The following CUEDC2 variants were observed in gnomAD, a reference collection of about 807,000 sequenced individuals.
The protein encoded by CUEDC2 is CUE domain-containing protein 2.
In CUEDC2, 10 loss-of-function variants were observed where a neutral mutation model predicts 36.0. The observed-to-expected ratio is 0.28, with a 90% CI of 0.17 to 0.47. The LOEUF is 0.47. CUEDC2 is among the 20% of genes least tolerant of loss of function. CUEDC2 has a pLI of 0.99. For missense variants in CUEDC2, 269 were observed against 368.1 expected (o/e 0.73, Z 2.20); for synonymous variants, 133 against 141.8 (o/e 0.94, Z 0.44).
intron 1 of CUEDC2, among the ~76,000 whole-genome samples, chr10:102,430,808 G>T (rs545172424): frequency 6.6e-6 from 1 of 152,148 alleles, no homozygotes; most frequent in African/African-American, 2.4e-5. Flanking sequence ...TGCCAGACTG[G>T]TTTCCTAAGT....
At chr10:102,426,798 G>T (rs565442883) in intron 1 of CUEDC2, among the ~76,000 whole-genome samples, 36 of 151,798 alleles carry the variant, frequency 2.4e-4, no homozygotes, top group South Asian at 1.3e-3. Context: ...CTAGTTTTTT[G>T]TTGTTGTTGT....
chr10:102,427,670 GCAAGAACTT>G (rs1565237512), intron 1 of CUEDC2, among the ~76,000 whole-genome samples: 1 of 151,672 alleles, frequency 6.6e-6, no homozygotes. Flanking sequence ...TCTCTTGCCT[GCAAGAACTT>G]CCTAACCCTT....
At chr10:102,429,121 G>A (rs2061607979) in intron 1 of CUEDC2, among the ~76,000 whole-genome samples, 1 of 152,002 alleles carries the variant, frequency 6.6e-6, no homozygotes, top group Non-Finnish European at 1.5e-5. Context: ...ACTCATTTGG[G>A]CCCTGCCATA....
At position 102,424,738 on chromosome 10, in the gene CUEDC2, G is replaced by A. The variant is rs1270180230; in HGVS notation, c.129C>T (p.Gly43=). 2 of 1,613,988 alleles carry A rather than the reference G, an allele frequency of 1.2e-6. No homozygotes were observed. Among genetic ancestry groups the A allele is most frequent in the East Asian group, 2.2e-5 (1 of 44,872 alleles). Residue 43 remains glycine (G), a synonymous_variant, in exon 3 of 9, where the codon GGC becomes GGT. Transcript: ENST00000369937. This position sits in a 1 kb window ranked among gnomAD's most constrained non-coding sequence, Gnocchi z 4.2. ...SYVLGVLEDL[G]PSGPSEENFD... ...AGTTCTCCTCTGATGGGCCCGAGGGGCCCAGGTCCTCCAGGACCCCAAGCA... is the reference window on the plus strand; with the variant it reads ...AGTTCTCCTCTGATGGGCCCGAGGGACCCAGGTCCTCCAGGACCCCAAGCA...
intron 1 of CUEDC2, among the ~76,000 whole-genome samples, chr10:102,430,069 G>C (rs1351941127): frequency 6.6e-6 from 1 of 150,562 alleles, no homozygotes; most frequent in Non-Finnish European, 1.5e-5. Context: ...CAAAGTGCTG[G>C]GATTACAGGC....
chr10:102,432,151 T>C (rs1032742179), intron 1 of CUEDC2, among the ~76,000 whole-genome samples: 2 of 152,040 alleles, frequency 1.3e-5, no homozygotes, highest in African/African-American at 4.8e-5. Context: ...ACCAAGGGCA[T>C]TGAGGGGAAC....
At chr10:102,432,309 G>A (rs1395306427) in intron 1 of CUEDC2, among the ~76,000 whole-genome samples, 1 of 152,250 alleles carries the variant, frequency 6.6e-6, no homozygotes, top group Non-Finnish European at 1.5e-5. Flanking sequence ...TAGTGGGCCC[G>A]AAGGCACAGG....
chr10:102,431,722 C>T (rs1589909667), intron 1 of CUEDC2, among the ~76,000 whole-genome samples: 1 of 152,218 alleles, frequency 6.6e-6, no homozygotes, highest in Admixed American at 6.5e-5. Context: ...CTCTGCCTCT[C>T]CAAATCTCAT....
chr10:102,423,751 C>G lies in CUEDC2; in HGVS notation c.657-34G>C, dbSNP rs776795755. The G allele has an allele frequency of 6.2e-7, 1 of 1,614,104 alleles. No homozygotes were observed. Among genetic ancestry groups the G allele is most frequent in the Non-Finnish European group, 8.5e-7 (1 of 1,180,008 alleles). On this transcript the variant is annotated intron_variant, in intron 7 of 8. Transcript: ENST00000369937. This position sits in a 1 kb window ranked among gnomAD's most constrained non-coding sequence, Gnocchi z 5.6. ...AACTGGCTGGGTGAAGCTCCTGTCA[C>G]CCTGGGAAGACCCTCTAGGGCCCAG...
rs775571142 is a variant in CUEDC2 at position 102,424,563 on chromosome 10, G to A, written c.219-3C>T. On this transcript the variant is annotated splice_region_variant and splice_polypyrimidine_tract_variant and intron_variant, in intron 3 of 8. Coordinates refer to ENST00000369937, the MANE Select transcript of CUEDC2 (RefSeq NM_024040.3). The surrounding 1 kb of genome is among the most constrained non-coding windows in gnomAD (Gnocchi z 4.2). Reference sequence around the variant, plus strand: ...GCATCATGTCCCCTATTGTGCCCCTGAAAAGATGAGGGCAGTGAGAGGATG... The same window carrying A: ...GCATCATGTCCCCTATTGTGCCCCTAAAAAGATGAGGGCAGTGAGAGGATG... 2.5e-6 allele frequency: 4 copies of A among 1,614,152 alleles called. No individual in the cohort carries two copies. In the South Asian group the frequency reaches 4.4e-5, roughly 18 times the overall value.
rs763594007 is a variant in CUEDC2, at chr10:102,424,243, G to A, written c.411+21C>T. Reference sequence around the variant, plus strand: ...TTTCCAGCCCCCTGGGTCCCTCATCGGTACCCTCCTCTACCAGTACCTCAT... The same window carrying A: ...TTTCCAGCCCCCTGGGTCCCTCATCAGTACCCTCCTCTACCAGTACCTCAT... On this transcript the variant is annotated intron_variant, in intron 5 of 8. Transcript: ENST00000369937. The surrounding 1 kb of genome is among the most constrained non-coding windows in gnomAD (Gnocchi z 4.2). 39 of 1,611,868 alleles carry A rather than the reference G, an allele frequency of 2.4e-5. 1 individual carries two copies. Among genetic ancestry groups the A allele is most frequent in the African/African-American group, 2.4e-4 (18 of 74,920 alleles).
intron 1 of CUEDC2, among the ~76,000 whole-genome samples, chr10:102,428,663 C>A (rs925703517): frequency 1.3e-5 from 2 of 152,018 alleles, no homozygotes; most frequent in East Asian, 3.9e-4. Context: ...GCAAGAGGAT[C>A]GTTTGAGCTC....
chr10:102,424,473 T>G lies in CUEDC2; in HGVS notation c.280+26A>C, dbSNP rs1357450604. Reference sequence around the variant, plus strand: ...TTGGGGGAGCGGGATTATGAATCACTCAGGTGCCCAGAGCCCCAGACTCAC... The same window carrying G: ...TTGGGGGAGCGGGATTATGAATCACGCAGGTGCCCAGAGCCCCAGACTCAC... On this transcript the variant is annotated intron_variant, in intron 4 of 8. Coordinates refer to ENST00000369937, the MANE Select transcript of CUEDC2 (RefSeq NM_024040.3). The surrounding 1 kb of genome is among the most constrained non-coding windows in gnomAD (Gnocchi z 4.2). 1 of 1,613,936 alleles carries G rather than the reference T, an allele frequency of 6.2e-7. No individual in the cohort carries two copies. Among genetic ancestry groups the G allele is most frequent in the African/African-American group, 1.3e-5 (1 of 74,894 alleles).
chr10:102,423,569 G>T lies in CUEDC2; in HGVS notation c.721C>A (p.Pro241Thr). The change falls in exon 9 of 9, where the codon CCC becomes ACC. Residue 241 changes from proline (P) to threonine (T), a missense_variant. Pro to Thr is a conservative substitution (Grantham distance 38, BLOSUM62 -1). Transcript: ENST00000369937. The surrounding 1 kb of genome is among the most constrained non-coding windows in gnomAD (Gnocchi z 5.6). ...TCGATGTATCGGATCAGCTTCTTGG[G>T]GGCCTGTCAGGCAATCAGCAGTGAG... ...IHRPMAPKEAPKKLIRYIDNQ... is the reference protein window; with the variant it reads ...IHRPMAPKEATKKLIRYIDNQ... 2 of 1,614,142 alleles carry T rather than the reference G, an allele frequency of 1.2e-6. No homozygotes were observed. Among genetic ancestry groups the T allele is most frequent in the Non-Finnish European group, 1.7e-6 (2 of 1,180,022 alleles).
intron 1 of CUEDC2, among the ~76,000 whole-genome samples, chr10:102,426,759 G>A (rs981440198): frequency 2.4e-4 from 37 of 152,200 alleles, no homozygotes; most frequent in African/African-American, 7.2e-4. Context: ...AGCCTCCGGA[G>A]TAGCTGGACT....
intron 2 of CUEDC2, 76 bp downstream of exon 2, chr10:102,425,039 C>T (rs1589907135): frequency 2.3e-6 from 3 of 1,285,706 alleles, no homozygotes; most frequent in African/African-American, 1.5e-5. Context: ...GTCTTTCCAT[C>T]AGCCAGTACC....
rs199727426 is a variant in CUEDC2, at chr10:102,425,144, G to C, written c.45C>G (p.Val15=). 5.8e-3 allele frequency: 9,284 copies of C among 1,613,770 alleles called. 57 individuals are homozygous for C. Among genetic ancestry groups the C allele is most frequent in the Non-Finnish European group, 5.4e-3 (6,410 of 1,179,860 alleles). The change falls in exon 2 of 9, where the codon GTC becomes GTG. Residue 15 remains valine (V), a synonymous_variant. Transcript: ENST00000369937. The part of the protein sequence containing the change: ...RIVSAALLAF[V]QTHLPEADLS... ...GGTCGGCCTCCGGGAGGTGTGTCTG[G>C]ACAAAGGCAAGGAGGGCTGCACTGA... is the stretch of plus-strand genomic sequence containing the variant.
In CUEDC2 at chr10:102,424,548, C is replaced by A; in HGVS notation, c.231G>T (p.Gly77=). 6.2e-7 allele frequency: 1 copy of A among 1,614,158 alleles called. No individual in the cohort carries two copies. Among genetic ancestry groups the A allele is most frequent in the Non-Finnish European group, 8.5e-7 (1 of 1,180,012 alleles). Residue 77 remains glycine, a synonymous_variant, in exon 4 of 9, where the codon GGG becomes GGT. Coordinates refer to ENST00000369937, the MANE Select transcript of CUEDC2 (RefSeq NM_024040.3). The surrounding 1 kb of genome is among the most constrained non-coding windows in gnomAD (Gnocchi z 4.2). The stretch of plus-strand genomic sequence containing the variant: ...GCCCTGAGAGCTTCTGCATCATGTC[C>A]CCTATTGTGCCCCTGAAAAGATGAG... ...GFAHIPRGTI[G]DMMQKLSGQL... is the part of the protein sequence containing the mutation.
In CUEDC2 at chr10:102,424,292, G is replaced by A; in HGVS notation, c.383C>T (p.Ala128Val). The change falls in exon 5 of 9, where the codon GCT (alanine) becomes GTT (valine). Residue 128 changes from alanine (A) to valine (V), a missense_variant. Transcript: ENST00000369937. This position sits in a 1 kb window ranked among gnomAD's most constrained non-coding sequence, Gnocchi z 4.2. ...ATCTTGGGTGTCTGCAGCAGCAGCAGCCGAAGACCTAGTCTCTTCTTTGAG... is the reference window on the plus strand; with the variant it reads ...ATCTTGGGTGTCTGCAGCAGCAGCAACCGAAGACCTAGTCTCTTCTTTGAG... ...EMLKEETRSS[A>V]AAAADTQDEA... 1 of 1,614,086 alleles carries A rather than the reference G, an allele frequency of 6.2e-7. No individual in the cohort carries two copies. Among genetic ancestry groups the A allele is most frequent in the Non-Finnish European group, 8.5e-7 (1 of 1,179,982 alleles).
Sources: gnomAD v4.1 joint callset for allele counts (sites outside exome capture counted in the v4.1 genomes callset) on GRCh38, gnomAD v4.1.1 for gene constraint, Gnocchi (gnomAD v3.1) non-coding constraint, MANE v1.5 for transcripts, NCBI Gene and HGNC (gene_info 2026-07-23, HGNC 2026-07-21) for gene names.